The following DMXL2 variants were observed in gnomAD, a reference collection of about 807,000 sequenced individuals.
DMXL2 encodes the protein Dmx like 2.
DMXL2 carries 103 observed loss-of-function variants against 331.1 expected under a neutral mutation model. The observed-to-expected ratio is 0.31, with a 90% CI of 0.27 to 0.37. The LOEUF is 0.37. DMXL2 is among the 10% of genes least tolerant of loss of function. The probability of loss-of-function intolerance (pLI) is 1.00; values close to 1 mark genes in which losing one functional copy is unlikely to be tolerated. For missense variants in DMXL2, 3,171 were observed against 3,642.9 expected (o/e 0.87, Z 3.33); for synonymous variants, 1,281 against 1,252.1 (o/e 1.02, Z -0.49).
intron 1 of DMXL2, among the ~76,000 whole-genome samples, chr15:51,617,659 CTA>C (rs2054369947): frequency 6.6e-6 from 1 of 152,212 alleles, no homozygotes; most frequent in Admixed American, 6.5e-5. Flanking sequence ...CTGAAAATCT[CTA>C]GAGAAGTCCA....
chr15:51,555,529 A>C (rs2049507816), intron 6 of DMXL2, among the ~76,000 whole-genome samples: 1 of 152,204 alleles, frequency 6.6e-6, no homozygotes, highest in Admixed American at 6.5e-5. Context: ...AACAGTAACA[A>C]CTAAGCAGGG....
At chr15:51,556,355 G>GAAAAAAAAAAAAAAAAAAAAAAA (rs59460472) in intron 6 of DMXL2, among the ~76,000 whole-genome samples, 1 of 118,978 alleles carries the variant, frequency 8.4e-6, no homozygotes, top group Non-Finnish European at 1.7e-5. Flanking sequence ...AAAAAAAAAA[G>GAAAAAAAAAAAAAAAAAAAAAAA]AAAAAAAAAA....
intron 1 of DMXL2, among the ~76,000 whole-genome samples, chr15:51,585,962 C>T (rs1054814068): frequency 6.6e-6 from 1 of 152,134 alleles, no homozygotes; most frequent in African/African-American, 2.4e-5. Context: ...AAACTCCTAC[C>T]ATTGAGATGT....
chr15:51,571,286 C>T (rs1429320244), intron 2 of DMXL2, among the ~76,000 whole-genome samples: 1 of 152,160 alleles, frequency 6.6e-6, no homozygotes. Flanking sequence ...ATTCATAAAG[C>T]AAGTTCTTAA....
rs1596021222 is a variant in DMXL2, at chr15:51,500,226, G to A, written c.2998C>T (p.Leu1000=). 1 of 1,586,456 alleles carries A rather than the reference G, an allele frequency of 6.3e-7. No individual in the cohort carries two copies. Among genetic ancestry groups the A allele is most frequent in the East Asian group, 2.2e-5 (1 of 44,642 alleles). ...VIRATPSAGH[L]SSSSIYPVCL... ...ACTGGATAAATTGAAGAAGAACTCA[G>A]ATGGCCTTAAAAAAGAAAAAGCAAA... Residue 1000 remains leucine (L), a synonymous_variant, in exon 18 of 44, where the codon CTG becomes TTG. Coordinates refer to ENST00000560891, the MANE Select transcript of DMXL2 (RefSeq NM_001378457.1).
At chr15:51,613,391 G>T (rs1183391887) in intron 1 of DMXL2, among the ~76,000 whole-genome samples, 1 of 152,184 alleles carries the variant, frequency 6.6e-6, no homozygotes, top group Non-Finnish European at 1.5e-5. Context: ...ATGTTCTTCT[G>T]CCATAGCTTC....
intron 13 of DMXL2, among the ~76,000 whole-genome samples, chr15:51,521,505 G>A (rs2047381336): frequency 6.6e-6 from 1 of 150,838 alleles, no homozygotes; most frequent in Admixed American, 6.6e-5. Flanking sequence ...TTTTTTTCAG[G>A]TTAAATAACT....
rs753341660 is a variant in DMXL2 at position 51,499,268 on chromosome 15, T to C, written c.3956A>G (p.Asp1319Gly). ...KSVVEGTAIS[D>G]DVFCSPTVIQ... ...TACAGTTGGTGAACAAAAAACATCA[T>C]CAGAAATAGCTGTTCCTTCAACAAC... is the stretch of plus-strand genomic sequence containing the variant. Residue 1319 changes from aspartate to glycine, a missense_variant, in exon 18 of 44, where the codon GAT becomes GGT. By Grantham distance (94) the Asp-to-Gly change is moderately conservative. Coordinates refer to ENST00000560891, the MANE Select transcript of DMXL2 (RefSeq NM_001378457.1). 4.3e-6 allele frequency: 7 copies of C among 1,613,798 alleles called. No individual in the cohort carries two copies. The highest frequency in any genetic ancestry group is 5.9e-6 in the Non-Finnish European group (7 of 1,180,028).
At chr15:51,495,456 G>C (rs915409975) in intron 18 of DMXL2, among the ~76,000 whole-genome samples, 2 of 152,142 alleles carry the variant, frequency 1.3e-5, no homozygotes, top group East Asian at 1.9e-4. Context: ...TGGTAAGTTA[G>C]GTACAACTTT....
chr15:51,591,431 G>A (rs541978250), intron 1 of DMXL2, among the ~76,000 whole-genome samples: 1 of 152,258 alleles, frequency 6.6e-6, no homozygotes, highest in African/African-American at 2.4e-5. Context: ...ACAAAGCGGT[G>A]GGAAGCTCCA....
rs1362531644 is a variant in DMXL2 at position 51,536,319 on chromosome 15, T to C, written c.2161A>G (p.Ile721Val). Residue 721 changes from isoleucine (I) to valine (V), a missense_variant, in exon 12 of 44, where the codon ATC (isoleucine) becomes GTC (valine). By Grantham distance (29) the Ile-to-Val change is conservative. This residue lies in a region of DMXL2 where 1,674 missense variants were observed against 1,780.2 expected (regional missense o/e 0.94). Transcript: ENST00000560891. ...ATRTFHDPNAIYSELILWRVD... is the reference protein window; with the variant it reads ...ATRTFHDPNAVYSELILWRVD... ...CGCCACAGAATAAGTTCACTGTAGA[T>C]TGCATTTGGGTCATGAAATGTACGA... is the stretch of plus-strand genomic sequence containing the variant. The C allele has an allele frequency of 1.8e-5, 29 of 1,613,952 alleles. No individual in the cohort carries two copies. Among genetic ancestry groups the C allele is most frequent in the Non-Finnish European group, 1.9e-5 (22 of 1,179,988 alleles).
rs1170178069 is a variant in DMXL2 at position 51,519,646 on chromosome 15, T to TG, written c.2437-2480_2437-2479insC. On this transcript the variant is annotated intron_variant, in intron 13 of 43. Transcript: ENST00000560891. The stretch of plus-strand genomic sequence containing the variant: ...TTGACAAAGTCTCTTGTTTTTTTTT[T>TG]TTTTTTTTTTTTTGAGATGGAGTTT... 1.3e-3 allele frequency among the ~76,000 whole-genome samples: 192 copies of TG among 145,784 alleles called. 1 individual carries two copies. The highest frequency in any genetic ancestry group is 4.7e-3 in the African/African-American group (184 of 39,522).
intron 1 of DMXL2, among the ~76,000 whole-genome samples, chr15:51,589,158 A>C (rs755432641): frequency 6.6e-6 from 1 of 152,220 alleles, no homozygotes; most frequent in Non-Finnish European, 1.5e-5. Flanking sequence ...GGGAAATTTA[A>C]ACCAAAAGAC....
chr15:51,513,140 G>A (rs2046852306), intron 15 of DMXL2, among the ~76,000 whole-genome samples: 1 of 152,130 alleles, frequency 6.6e-6, no homozygotes, highest in African/African-American at 2.4e-5. Context: ...CTTTTGGCCT[G>A]ATTTAGCAGT....
chr15:51,505,917 C>T (rs1596043264), intron 16 of DMXL2, among the ~76,000 whole-genome samples: 1 of 152,144 alleles, frequency 6.6e-6, no homozygotes, highest in East Asian at 1.9e-4. Flanking sequence ...TTCATTTTAA[C>T]AATTATCTCT....
At chr15:51,521,682 T>C (rs532755916) in intron 13 of DMXL2, among the ~76,000 whole-genome samples, 1 of 152,236 alleles carries the variant, frequency 6.6e-6, no homozygotes, top group Non-Finnish European at 1.5e-5. Flanking sequence ...GAATTTCACA[T>C]CCTGAAATCA....
rs1025921086 is a variant in DMXL2 at position 51,545,437 on chromosome 15, T to A, written c.930+146A>T. On this transcript the variant is annotated intron_variant, in intron 8 of 43. Transcript: ENST00000560891. The stretch of plus-strand genomic sequence containing the variant: ...TTGGCTTCTTAGTGGAATAAATGAG[T>A]AGTCTTACAAGCATAAATGAGAGTT... The A allele has an allele frequency of 1.4e-4, 77 of 547,478 alleles. 1 individual carries two copies. The highest frequency in any genetic ancestry group is 9.0e-6 in the Non-Finnish European group (3 of 331,496). The allele number at this position is 547,478 out of a possible 1,614,324, so 33.9% of individuals were successfully genotyped here.
chr15:51,522,343 C>T (rs2047424490), intron 13 of DMXL2, among the ~76,000 whole-genome samples: 1 of 152,102 alleles, frequency 6.6e-6, no homozygotes, highest in Admixed American at 6.5e-5. Context: ...AGGAGTATCT[C>T]CAATCTAAAC....
rs775707789 is a variant in DMXL2, at chr15:51,507,258, T to C, written c.2645-5A>G. 9 of 1,602,154 alleles carry C rather than the reference T, an allele frequency of 5.6e-6. No homozygotes were observed. Among genetic ancestry groups the C allele is most frequent in the Middle Eastern group, 1.7e-4 (1 of 5,846 alleles). ...AAAATGGTGGTGGGCGGTATCCTAT[T>C]ATTCAAAGGAAAAGGATATTTAAAT... On this transcript the variant is annotated splice_polypyrimidine_tract_variant and splice_region_variant and intron_variant, in intron 15 of 43. Coordinates refer to ENST00000560891, the MANE Select transcript of DMXL2 (RefSeq NM_001378457.1).
Sources: gnomAD v4.1 joint callset for allele counts (sites outside exome capture counted in the v4.1 genomes callset) on GRCh38, gnomAD v4.1.1 for gene constraint, gnomAD v4.1.1 regional missense constraint, MANE v1.5 for transcripts, NCBI Gene and HGNC (gene_info 2026-07-23, HGNC 2026-07-21) for gene names.